VPS13D: variants seen among roughly 807,000 people sequenced by gnomAD.
The protein encoded by VPS13D is intermembrane lipid transfer protein VPS13D.
VPS13D carries 187 observed loss-of-function variants against 461.9 expected under a neutral mutation model. The observed-to-expected ratio is 0.40, with a 90% CI of 0.36 to 0.46. The LOEUF (loss-of-function observed/expected upper bound fraction) is 0.46. Ranked by LOEUF, VPS13D falls within the 20% of genes least tolerant of loss-of-function variation. The pLI is 0.60. For synonymous variants in VPS13D, 1,951 were observed against 1,986.3 expected (o/e 0.98, Z 0.47); for missense variants, 4,711 against 5,364.9 (o/e 0.88, Z 3.81).
In VPS13D at chr1:12,256,496, T is replaced by C; in HGVS notation, c.833T>C (p.Leu278Pro). ...DIQLETIPLK[L>P]SQLQYRQIME... ...CAGCTGGAGACCATTCCCTTGAAAC[T>C]CTCTCAGGTATGCCCTTTCTTCTCA... Residue 278 changes from leucine (L) to proline (P), a missense_variant, in exon 8 of 70, where the codon CTC becomes CCC. Coordinates refer to ENST00000620676, the MANE Select transcript of VPS13D (RefSeq NM_015378.4). 21 of 1,613,944 alleles carry C rather than the reference T, an allele frequency of 1.3e-5. No individual in the cohort carries two copies. Among genetic ancestry groups the C allele is most frequent in the Non-Finnish European group, 1.5e-5 (18 of 1,179,920 alleles).
intron 65 of VPS13D, among the ~76,000 whole-genome samples, chr1:12,422,444 CA>C (rs1644876041): frequency 6.6e-6 from 1 of 152,126 alleles, no homozygotes; most frequent in Admixed American, 6.6e-5. Context: ...AAATTTTTGT[CA>C]AGGAGATGTG....
At chr1:12,251,542 C>T (rs1036215966) in intron 6 of VPS13D, among the ~76,000 whole-genome samples, 5 of 152,104 alleles carry the variant, frequency 3.3e-5, no homozygotes, top group Admixed American at 2.6e-4. Context: ...TACAGTACAC[C>T]GGGGCAAATG....
In VPS13D at chr1:12,346,477, A is replaced by G. The variant is rs572992441; in HGVS notation, c.9022-128A>G. ...TTAAGAGGAGATGTTTTATCTTCAT[A>G]GTAGACTATACTTTACTTGAAAGTA... is the stretch of plus-strand genomic sequence containing the variant. On this transcript the variant is annotated intron_variant, in intron 43 of 69. Transcript: ENST00000620676. 146 of 832,192 alleles carry G rather than the reference A, an allele frequency of 1.8e-4. 2 individuals are homozygous for G. In the African/African-American group the frequency reaches 2.2e-3, roughly 12 times the overall value. 51.6% of individuals were successfully genotyped at this position (832,192 alleles called of 1,614,324 possible).
At chr1:12,380,505 AGC>A (rs1644259267) in intron 57 of VPS13D, among the ~76,000 whole-genome samples, 1 of 152,216 alleles carries the variant, frequency 6.6e-6, no homozygotes, top group Non-Finnish European at 1.5e-5. Flanking sequence ...ATAAACTCCC[AGC>A]TACTTTCTAA....
Position 12,386,253 on chromosome 1 carries a change from T to C in VPS13D, c.11553T>C (p.Phe3851=), listed in dbSNP as rs772304106. ...LINKVPEELV[F]ASLTGINVHY... is the part of the protein sequence containing the mutation. ...ATAAAGTCCCAGAAGAACTGGTCTT[T>C]GCAAGTCTTACAGGAATCAATGTGC... The change falls in exon 60 of 70, where the codon TTT becomes TTC. Residue 3851 remains phenylalanine, a synonymous_variant. Transcript: ENST00000620676. 1 of 1,613,912 alleles carries C rather than the reference T, an allele frequency of 6.2e-7. No homozygotes were observed. The highest frequency in any genetic ancestry group is 1.3e-5 in the African/African-American group (1 of 75,028).
chr1:12,499,801 C>T (rs1388788526), intron 68 of VPS13D: 1 of 985,358 alleles, frequency 1.0e-6, no homozygotes. Context: ...TCTGAAGTGT[C>T]CTCAGTTGTC....
chr1:12,288,398 G>T (rs1326300286), intron 22 of VPS13D, 85 bp downstream of exon 22: 10 of 1,231,208 alleles, frequency 8.1e-6, no homozygotes, highest in Non-Finnish European at 1.2e-5. Context: ...TTGTCCTCAC[G>T]TGCTGAGTAA....
intron 67 of VPS13D, among the ~76,000 whole-genome samples, chr1:12,486,647 G>T (rs1411686580): frequency 6.6e-6 from 1 of 152,320 alleles, no homozygotes; most frequent in Middle Eastern, 3.4e-3. Context: ...TCCCCCCCAC[G>T]TTGGAATGAT....
Position 12,230,120 on chromosome 1 carries a change from G to C in VPS13D, c.-77G>C, listed in dbSNP as rs1639909517. 6.6e-6 allele frequency: 1 copy of C among 151,964 alleles called. No individual in the cohort carries two copies. The highest frequency in any genetic ancestry group is 2.4e-5 in the African/African-American group (1 of 41,408). 9.4% of individuals were successfully genotyped at this position (151,964 alleles called of 1,614,324 possible). ...GGGCGGGCGGCCCGGGACACCGACA[G>C]GTAGGGGCCGAGCGGCTCCGTGCCG... On this transcript the variant is annotated splice_region_variant and 5_prime_UTR_variant, in exon 1 of 70. Coordinates refer to ENST00000620676, the MANE Select transcript of VPS13D (RefSeq NM_015378.4).
At chr1:12,272,938 T>A in intron 17 of VPS13D, 65 bp from the exon 18 acceptor site, 1 of 1,575,926 alleles carries the variant, frequency 6.3e-7, no homozygotes, top group Non-Finnish European at 8.6e-7. Context: ...CAGAAATGCT[T>A]GAGCACCATG....
intron 37 of VPS13D, 136 bp from the exon 38 acceptor site, chr1:12,333,090 C>G (rs1366372308): frequency 9.4e-7 from 1 of 1,060,874 alleles, no homozygotes; most frequent in Non-Finnish European, 1.3e-6. Flanking sequence ...GTGGTTGGTG[C>G]TTTTGTTGTG....
intron 60 of VPS13D, 139 bp downstream of exon 60, chr1:12,386,473 AGTT>A: frequency 9.8e-7 from 1 of 1,022,882 alleles, no homozygotes; most frequent in East Asian, 2.8e-5. Flanking sequence ...TCTGTGAAAT[AGTT>A]GTTTCTACCT....
chr1:12,277,201 G>T lies in VPS13D; in HGVS notation c.3613G>T (p.Val1205Phe). 1 of 1,614,206 alleles carries T rather than the reference G, an allele frequency of 6.2e-7. No homozygotes were observed. Among genetic ancestry groups the T allele is most frequent in the Non-Finnish European group, 8.5e-7 (1 of 1,180,030 alleles). ...AAGTATAGGTGGCACCAAAGTTAATGTCTCAATGGGTAGCACGTTTGACAT... is the reference window on the plus strand; with the variant it reads ...AAGTATAGGTGGCACCAAAGTTAATTTCTCAATGGGTAGCACGTTTGACAT... ...TASIGGTKVN[V>F]SMGSTFDMNG... Residue 1205 changes from valine (V) to phenylalanine (F), a missense_variant, in exon 19 of 70, where the codon GTC becomes TTC. Around this residue, in one of 3 missense-constraint regions of VPS13D, gnomAD observed 4,411 missense variants for 4,937.8 expected, o/e 0.89. Transcript: ENST00000620676.
At chr1:12,230,823 T>C (rs1432904597) in intron 1 of VPS13D, among the ~76,000 whole-genome samples, 2 of 151,880 alleles carry the variant, frequency 1.3e-5, no homozygotes, top group African/African-American at 4.8e-5. Context: ...CTCCTAGGTA[T>C]GGGATCCCGG....
intron 67 of VPS13D, among the ~76,000 whole-genome samples, chr1:12,494,724 T>C (rs1645933352): frequency 1.3e-5 from 2 of 152,240 alleles, no homozygotes; most frequent in South Asian, 4.1e-4. Context: ...ACTGCCGTCA[T>C]GTCCCTTTCT....
rs375685543 is a variant in VPS13D at position 12,323,088 on chromosome 1, T to G, written c.7915+342T>G. On this transcript the variant is annotated intron_variant, in intron 34 of 69. Coordinates refer to ENST00000620676, the MANE Select transcript of VPS13D (RefSeq NM_015378.4). ...TATTATTAATTTATTGGTTTATTTT[T>G]AGACAGGGTCTTGCTCTGTCACCCA... Among the ~76,000 whole-genome samples, 281 of 152,206 alleles carry G rather than the reference T, an allele frequency of 1.8e-3. 3 individuals are homozygous for G. Among genetic ancestry groups the G allele is most frequent in the African/African-American group, 5.4e-3 (223 of 41,524 alleles).
intron 65 of VPS13D, among the ~76,000 whole-genome samples, chr1:12,437,072 G>A (rs1041124632): frequency 6.6e-6 from 1 of 152,150 alleles, no homozygotes; most frequent in African/African-American, 2.4e-5. Flanking sequence ...GTGTGGCGGC[G>A]GGAGGGGGGT....
Position 12,333,346 on chromosome 1 carries a change from A to G in VPS13D, c.8408A>G (p.Asn2803Ser), listed in dbSNP as rs144511893. ...AAGGCCAAACCTCGTTTGGATATCA[A>G]TATCACTTCTGTGCTAATTGGTGAG... The part of the protein sequence containing the change: ...EAKAKPRLDI[N>S]ITSVLIDQYV... The change falls in exon 38 of 70, where the codon AAT becomes AGT. Residue 2803 changes from asparagine (N) to serine (S), a missense_variant. By Grantham distance (46) the Asn-to-Ser change is conservative. Transcript: ENST00000620676. The G allele has an allele frequency of 2.4e-5, 39 of 1,614,156 alleles. No individual in the cohort carries two copies. The highest frequency in any genetic ancestry group is 1.7e-4 in the Middle Eastern group (1 of 6,060).
At chr1:12,336,955 C>T (rs1467417060) in intron 39 of VPS13D, 3 of 152,210 alleles carry the variant, frequency 2.0e-5, no homozygotes, top group African/African-American at 7.2e-5. Flanking sequence ...ATCTTCAATT[C>T]AGAGTCAAAC....
Sources: gnomAD v4.1 joint callset for allele counts (sites outside exome capture counted in the v4.1 genomes callset) on GRCh38, gnomAD v4.1.1 for gene constraint, gnomAD v4.1.1 regional missense constraint, MANE v1.5 for transcripts, NCBI Gene and HGNC (gene_info 2026-07-23, HGNC 2026-07-21) for gene names.